Variants in RNLS observed in about 807,000 individuals in gnomAD.
The protein encoded by RNLS is renalase, FAD dependent amine oxidase.
RNLS carries 39 observed loss-of-function variants against 39.8 expected under a neutral mutation model. The observed-to-expected ratio is 0.98, with a 90% confidence interval of 0.76 to 1.28. The LOEUF is 1.28. Ranked by LOEUF, RNLS falls within the 50% of genes most tolerant of loss-of-function variation. The pLI, the probability that RNLS is intolerant of heterozygous loss-of-function variation, is 0.00. For missense variants in RNLS, 410 were observed against 413.3 expected (o/e 0.99, Z 0.07); for synonymous variants, 147 against 150.7 (o/e 0.98, Z 0.18).
At chr10:88,420,064 GAATAAATA>G (rs35962923) in intron 4 of RNLS, among the ~76,000 whole-genome samples, 3 of 121,952 alleles carry the variant, frequency 2.5e-5, no homozygotes, top group African/African-American at 8.1e-5. Flanking sequence ...ATAAATGAAT[GAATAAATA>G]AATAAATAAA....
chr10:88,174,557 C>T, the RNLS span, among the ~76,000 whole-genome samples: 13 of 152,018 alleles, frequency 8.6e-5, no homozygotes, highest in South Asian at 4.1e-4. Flanking sequence ...TGATGTATCA[C>T]GTTTATTCAT....
chr10:88,498,305 G>A (rs1353585157), intron 4 of RNLS, among the ~76,000 whole-genome samples: 1 of 151,370 alleles, frequency 6.6e-6, no homozygotes, highest in Non-Finnish European at 1.5e-5. Flanking sequence ...CTAATTCTGA[G>A]GAAACATCAG....
rs1322792477 is a variant in RNLS at position 88,406,391 on chromosome 10, C to T, written c.527-43666G>A. Among the ~76,000 whole-genome samples the T allele has an allele frequency of 3.0e-4, 46 of 152,018 alleles. 1 individual carries two copies. The highest frequency in any genetic ancestry group is 3.0e-3 in the Admixed American group (46 of 15,244). On this transcript the variant is annotated intron_variant, in intron 4 of 6. Transcript: ENST00000331772. Reference sequence around the variant, plus strand: ...TAGATTTGGTTGTTTAACATAAACCCAGACTTCTCAGAGGCTTTGTTCATA... The same window carrying T: ...TAGATTTGGTTGTTTAACATAAACCTAGACTTCTCAGAGGCTTTGTTCATA...
At chr10:88,367,253 T>C (rs1247687954) in intron 4 of RNLS, among the ~76,000 whole-genome samples, 1 of 152,100 alleles carries the variant, frequency 6.6e-6, no homozygotes, top group Non-Finnish European at 1.5e-5. Context: ...CTGCTGCAGG[T>C]AATCAGTAAT....
the RNLS span, among the ~76,000 whole-genome samples, chr10:88,219,568 A>G: frequency 1.3e-5 from 2 of 152,160 alleles, no homozygotes. Context: ...ATTTTCAGGA[A>G]GGGCACATCA....
chr10:88,536,446 CAGAG>C (rs998996484), intron 4 of RNLS, among the ~76,000 whole-genome samples: 37 of 152,312 alleles, frequency 2.4e-4, no homozygotes, highest in African/African-American at 8.9e-4. Context: ...ACATAGCAGT[CAGAG>C]AGAGCATTTA....
At chr10:88,508,490 G>A (rs1036584066) in intron 4 of RNLS, among the ~76,000 whole-genome samples, 1 of 152,170 alleles carries the variant, frequency 6.6e-6, no homozygotes, top group African/African-American at 2.4e-5. Flanking sequence ...GATTATTAGT[G>A]CATGTTGTTA....
chr10:88,296,142 CT>C (rs1163390787), intron 6 of RNLS, among the ~76,000 whole-genome samples: 1 of 152,096 alleles, frequency 6.6e-6, no homozygotes, highest in Non-Finnish European at 1.5e-5. Flanking sequence ...AAACCAGCTC[CT>C]TTCTGTAAAC....
At chr10:88,444,537 A>C in intron 4 of RNLS, among the ~76,000 whole-genome samples, 1 of 152,220 alleles carries the variant, frequency 6.6e-6, no homozygotes, top group African/African-American at 2.4e-5. Context: ...TAAAGGAGGA[A>C]GTTTGAACCC....
chr10:88,386,770 T>G (rs570459678), intron 4 of RNLS, among the ~76,000 whole-genome samples: 2 of 152,326 alleles, frequency 1.3e-5, no homozygotes, highest in East Asian at 3.9e-4. Flanking sequence ...CCCAAATCAC[T>G]GCTATCTCAG....
chr10:88,307,232 C>G (rs886984011), intron 6 of RNLS, among the ~76,000 whole-genome samples: 6 of 152,190 alleles, frequency 3.9e-5, no homozygotes, highest in Non-Finnish European at 8.8e-5. Flanking sequence ...TGGGCAAAAG[C>G]TAGGAGTATT....
chr10:88,542,421 C>T (rs868718550), intron 4 of RNLS, among the ~76,000 whole-genome samples: 2 of 152,166 alleles, frequency 1.3e-5, no homozygotes, highest in African/African-American at 2.4e-5. Flanking sequence ...AAAAAGACAA[C>T]GTGTACATCT....
At chr10:88,258,337 G>A in the RNLS span, among the ~76,000 whole-genome samples, 1 of 152,136 alleles carries the variant, frequency 6.6e-6, no homozygotes, top group Non-Finnish European at 1.5e-5. Context: ...TATGTATTCT[G>A]GATCCTATTA....
intron 4 of RNLS, among the ~76,000 whole-genome samples, chr10:88,513,150 A>AT (rs747253565): frequency 6.6e-6 from 1 of 152,040 alleles, no homozygotes; most frequent in Admixed American, 6.6e-5. Flanking sequence ...CAGAGGCTAT[A>AT]TTTTTTCCCA....
rs527933771 is a variant in RNLS at position 88,545,731 on chromosome 10, G to C, written c.526+27172C>G. ...GCATTATACTGCTATTATGTTAAAG[G>C]GTTGACAGTTTAGTTCTCAGGAACT... On this transcript the variant is annotated intron_variant, in intron 4 of 6. Transcript: ENST00000331772. Among the ~76,000 whole-genome samples the C allele has an allele frequency of 5.9e-4, 90 of 152,176 alleles. 1 individual carries two copies. Among genetic ancestry groups the C allele is most frequent in the African/African-American group, 2.1e-3 (88 of 41,532 alleles).
the RNLS span, among the ~76,000 whole-genome samples, chr10:88,176,199 G>A: frequency 1.3e-5 from 2 of 151,114 alleles, no homozygotes; most frequent in African/African-American, 2.4e-5. Context: ...TTTTTGAGAC[G>A]GAGTCTTGCT....
At chr10:88,297,324 A>T (rs1844162886) in intron 6 of RNLS, among the ~76,000 whole-genome samples, 1 of 152,116 alleles carries the variant, frequency 6.6e-6, no homozygotes, top group Admixed American at 6.5e-5. Context: ...AGAGTTTCTG[A>T]TCTGAGCCGT....
chr10:88,371,440 G>C (rs552754715), intron 4 of RNLS, among the ~76,000 whole-genome samples: 1 of 152,172 alleles, frequency 6.6e-6, no homozygotes, highest in East Asian at 1.9e-4. Context: ...TCAGAGTAGA[G>C]AATAAAAACA....
chr10:88,291,704 T>G (rs958220689), intron 6 of RNLS, among the ~76,000 whole-genome samples: 1 of 151,962 alleles, frequency 6.6e-6, no homozygotes, highest in South Asian at 2.1e-4. Context: ...TTCTTTACTG[T>G]TTTTTTTCTC....
Sources: gnomAD v4.1 joint callset for allele counts (sites outside exome capture counted in the v4.1 genomes callset) on GRCh38, gnomAD v4.1.1 for gene constraint, MANE v1.5 for transcripts, NCBI Gene and HGNC (gene_info 2026-07-23, HGNC 2026-07-21) for gene names.